Variants in FAM174B observed in about 807,000 individuals in gnomAD.
The protein encoded by FAM174B is family with sequence similarity 174 member B, also known as membrane protein FAM174B.
FAM174B carries 12 observed loss-of-function variants against 10.9 expected under a neutral mutation model. That is an observed-to-expected ratio of 1.10 (90% CI 0.71 to 1.79). The LOEUF (loss-of-function observed/expected upper bound fraction) is 1.79. FAM174B is among the 40% of genes most tolerant of loss of function. FAM174B has a pLI of 0.00. For synonymous variants in FAM174B, 132 were observed against 115.8 expected, an observed-to-expected ratio of 1.14 and a Z score of -0.90; for missense variants, 266 against 233.3, an observed-to-expected ratio of 1.14 and a Z score of -0.91.
Position 92,618,681 on chromosome 15 carries a change from C to G in FAM174B, c.*775G>C, listed in dbSNP as rs1258760552. 1.3e-5 allele frequency: 2 copies of G among 153,762 alleles called. No individual in the cohort carries two copies. The highest frequency in any genetic ancestry group is 2.9e-5 in the Non-Finnish European group (2 of 68,854). 9.5% of individuals were successfully genotyped at this position (153,762 alleles called of 1,614,324 possible). A position where few individuals can be genotyped will look rare whatever the true frequency, so the allele number is the denominator to read the frequency against. ...TAATCACAGGCTGCCTAGCACTTTC[C>G]TTTCCCTTCAGAGAAGGAGAAACTG... On this transcript the variant is annotated 3_prime_UTR_variant, in exon 3 of 3. Coordinates refer to ENST00000327355, the MANE Select transcript of FAM174B (RefSeq NM_207446.3).
intron 2 of FAM174B, among the ~76,000 whole-genome samples, chr15:92,621,638 T>C (rs1394541153): frequency 1.3e-5 from 2 of 151,292 alleles, no homozygotes; most frequent in Admixed American, 6.6e-5. Flanking sequence ...AGTATCTTCA[T>C]ATTAGCCACT....
chr15:92,617,658 TC>T lies in FAM174B; in HGVS notation c.*1797del, dbSNP rs2050687855. The T allele has an allele frequency of 1.5e-6, 1 of 674,848 alleles. No individual in the cohort carries two copies. Among genetic ancestry groups the T allele is most frequent in the Non-Finnish European group, 2.7e-6 (1 of 375,216 alleles). The allele number at this position is 674,848 out of a possible 1,614,324, so 41.8% of individuals were successfully genotyped here. A position where few individuals can be genotyped will look rare whatever the true frequency, so the allele number is the denominator to read the frequency against. ...CGAAAACCCTGTGTGAGCCAGCAGTTCCAGTTCAAAGGTTGAGGGGGCGAAC... is the reference window on the plus strand; with the variant it reads ...CGAAAACCCTGTGTGAGCCAGCAGTTCAGTTCAAAGGTTGAGGGGGCGAAC... On this transcript the variant is annotated 3_prime_UTR_variant, in exon 3 of 3. Transcript: ENST00000327355.
chr15:92,624,062 TTGAG>T (rs1307449231), intron 2 of FAM174B, among the ~76,000 whole-genome samples: 4 of 152,334 alleles, frequency 2.6e-5, no homozygotes, highest in South Asian at 2.1e-4. Context: ...TGCCCTGGCT[TTGAG>T]TGAGACACCC....
chr15:92,640,514 T>C (rs1269149864), intron 1 of FAM174B, among the ~76,000 whole-genome samples: 1 of 115,034 alleles, frequency 8.7e-6, no homozygotes, highest in African/African-American at 3.3e-5. Flanking sequence ...ATCGTGCCAC[T>C]GCACTACAGC....
Position 92,620,179 on chromosome 15 carries a change from G to A in FAM174B, c.477-720C>T, listed in dbSNP as rs545086340. Among the ~76,000 whole-genome samples, 12 of 152,198 alleles carry A rather than the reference G, an allele frequency of 7.9e-5. No individual in the cohort carries two copies. The South Asian group carries it at 8.3e-4, about 11-fold the overall frequency. On this transcript the variant is annotated intron_variant, in intron 2 of 2. Coordinates refer to ENST00000327355, the MANE Select transcript of FAM174B (RefSeq NM_207446.3). ...CTAAGCTTCCTTACCTTTAAACCCC[G>A]GGCCCACACCACAGTGTCAGAAAAC...
intron 1 of FAM174B, among the ~76,000 whole-genome samples, chr15:92,647,946 G>A (rs2050939389): frequency 6.6e-6 from 1 of 152,120 alleles, no homozygotes; most frequent in Admixed American, 6.5e-5. Flanking sequence ...AAGAACCTTG[G>A]TCTCCACAAC....
intron 2 of FAM174B, among the ~76,000 whole-genome samples, chr15:92,624,204 C>T (rs2050738491): frequency 6.6e-6 from 1 of 152,238 alleles, no homozygotes; most frequent in Admixed American, 6.5e-5. Context: ...GGTTTATTCA[C>T]ACTGGTCTGG....
chr15:92,624,923 G>A (rs1373852621), intron 2 of FAM174B, among the ~76,000 whole-genome samples: 6 of 152,140 alleles, frequency 3.9e-5, no homozygotes, highest in Admixed American at 3.9e-4. Context: ...CCTAGAGGGT[G>A]TAACAAAGTC....
At chr15:92,628,510 C>T (rs2050769066) in intron 2 of FAM174B, among the ~76,000 whole-genome samples, 1 of 151,896 alleles carries the variant, frequency 6.6e-6, no homozygotes, top group African/African-American at 2.4e-5. Context: ...GTTGCTTGAG[C>T]CTGCAGATGT....
chr15:92,619,415 A>C lies in FAM174B; in HGVS notation c.*41T>G, dbSNP rs746593240. The C allele has an allele frequency of 5.0e-6, 8 of 1,613,794 alleles. No homozygotes were observed. The highest frequency in any genetic ancestry group is 6.8e-6 in the Non-Finnish European group (8 of 1,179,726). On this transcript the variant is annotated 3_prime_UTR_variant, in exon 3 of 3. Transcript: ENST00000327355. The stretch of plus-strand genomic sequence containing the variant: ...TCCTTCACACCCCAGGTTGCAGCTG[A>C]CCAACTTTCCACAGGATGCCACCAG...
intron 2 of FAM174B, chr15:92,627,334 C>A: frequency 5.9e-6 from 1 of 169,002 alleles, no homozygotes; most frequent in South Asian, 1.8e-4. Flanking sequence ...GCAGCAATGC[C>A]AATATGGCAG....
intron 1 of FAM174B, among the ~76,000 whole-genome samples, chr15:92,635,976 A>T (rs1411980175): frequency 6.6e-6 from 1 of 152,184 alleles, no homozygotes; most frequent in Non-Finnish European, 1.5e-5. Flanking sequence ...CATTTTCCAC[A>T]TACCTTCAGA....
In FAM174B at chr15:92,617,824, G is replaced by A. The variant is rs1187429607; in HGVS notation, c.*1632C>T. The A allele has an allele frequency of 2.0e-6, 1 of 501,038 alleles. No individual in the cohort carries two copies. The highest frequency in any genetic ancestry group is 3.5e-6 in the Non-Finnish European group (1 of 285,810). The allele number at this position is 501,038 out of a possible 1,614,324, so 31.0% of individuals were successfully genotyped here. On this transcript the variant is annotated 3_prime_UTR_variant, in exon 3 of 3. Transcript: ENST00000327355. ...AGATGGGGGAAAACAGAGAAGGAAA[G>A]TCAACAAAGAAGGTGAAATGCAGGG...
intron 2 of FAM174B, among the ~76,000 whole-genome samples, chr15:92,629,701 C>G (rs2050777910): frequency 6.6e-6 from 1 of 152,148 alleles, no homozygotes; most frequent in African/African-American, 2.4e-5. Flanking sequence ...AGGAAGGGAT[C>G]TGATATGGTT....
At chr15:92,624,380 C>T (rs558924067) in intron 2 of FAM174B, among the ~76,000 whole-genome samples, 2 of 151,170 alleles carry the variant, frequency 1.3e-5, no homozygotes, top group South Asian at 2.1e-4. Context: ...CAGAAGACCA[C>T]GAGGAAGCCT....
intron 1 of FAM174B, among the ~76,000 whole-genome samples, chr15:92,640,507 G>A (rs371169394): frequency 7.5e-5 from 9 of 119,344 alleles, no homozygotes; most frequent in Admixed American, 3.6e-4. Flanking sequence ...AGTGGAGATC[G>A]TGCCACTGCA....
At position 92,655,472 on chromosome 15, in the gene FAM174B, C is replaced by T. The variant is rs1377677317; in HGVS notation, c.188G>A (p.Gly63Asp). 6.4e-7 allele frequency: 1 copy of T among 1,556,454 alleles called. No homozygotes were observed. The highest frequency in any genetic ancestry group is 2.5e-5 in the East Asian group (1 of 39,554). ...NTTRFGSGAA[G>D]GSGSSSSNSS... The stretch of plus-strand genomic sequence containing the variant: ...GTTGGAGCTGGAGCTGCCGCTGCCG[C>T]CCGCCGCCCCAGACCCAAACCGGGT... The change falls in exon 1 of 3, where the codon GGC becomes GAC. Residue 63 changes from glycine to aspartate, a missense_variant. Coordinates refer to ENST00000327355, the MANE Select transcript of FAM174B (RefSeq NM_207446.3).
intron 1 of FAM174B, among the ~76,000 whole-genome samples, chr15:92,637,184 G>A (rs894960672): frequency 4.6e-5 from 7 of 152,212 alleles, no homozygotes; most frequent in Non-Finnish European, 1.0e-4. Flanking sequence ...GCAGTGGGCA[G>A]GGGAAGGCAC....
chr15:92,637,261 T>A, intron 1 of FAM174B, among the ~76,000 whole-genome samples: 1 of 152,244 alleles, frequency 6.6e-6, no homozygotes, highest in East Asian at 1.9e-4. Context: ...TCCCTCCCAC[T>A]GGCCTTGAGG....
Sources: gnomAD v4.1 joint callset for allele counts (sites outside exome capture counted in the v4.1 genomes callset) on GRCh38, gnomAD v4.1.1 for gene constraint, MANE v1.5 for transcripts, NCBI Gene and HGNC (gene_info 2026-07-23, HGNC 2026-07-21) for gene names.